Variants in LRP6 observed in about 807,000 individuals in gnomAD.
LRP6 encodes the protein LDL receptor related protein 6.
LRP6 carries 43 observed loss-of-function variants against 184.1 expected under a neutral mutation model. The observed-to-expected ratio is 0.23, with a 90% confidence interval of 0.18 to 0.30. The LOEUF (loss-of-function observed/expected upper bound fraction) is 0.30, where lower values mean the gene tolerates loss of function less well. Ranked by LOEUF, LRP6 falls within the 10% of genes least tolerant of loss-of-function variation. The probability of loss-of-function intolerance (pLI) is 1.00; values close to 1 mark genes in which losing one functional copy is unlikely to be tolerated. For missense variants in LRP6, 1,571 were observed against 2,005.3 expected, an observed-to-expected ratio of 0.78 and a Z score of 4.14; for synonymous variants, 719 against 684.9, an observed-to-expected ratio of 1.05 and a Z score of -0.78.
In LRP6 at chr12:12,266,978, C is replaced by T; in HGVS notation, c.-243G>A. On this transcript the variant is annotated 5_prime_UTR_variant, in exon 1 of 23. Transcript: ENST00000261349. Reference sequence around the variant, plus strand: ...TGCTTCCATCCCGCCGCCTCCTCCCCCGGCGCCCCGCTTCCCCCGCGCAGC... The same window carrying T: ...TGCTTCCATCCCGCCGCCTCCTCCCTCGGCGCCCCGCTTCCCCCGCGCAGC... The T allele has an allele frequency of 5.6e-6, 3 of 536,422 alleles. No individual in the cohort carries two copies. The highest frequency in any genetic ancestry group is 9.8e-6 in the Non-Finnish European group (3 of 307,676). 33.2% of individuals were successfully genotyped at this position (536,422 alleles called of 1,614,324 possible). A position where few individuals can be genotyped will look rare whatever the true frequency, so the allele number is the denominator to read the frequency against.
rs572685054 is a variant in LRP6, at chr12:12,206,356, C to G, written c.450-2956G>C. On this transcript the variant is annotated intron_variant, in intron 2 of 22. Transcript: ENST00000261349. ...AGGAGATTGAGACCATCCTGGCTAA[C>G]ACGGTGAAACCCTGTCTCTATTAAA... 1.5e-3 allele frequency among the ~76,000 whole-genome samples: 232 copies of G among 151,546 alleles called. 1 individual carries two copies. Among genetic ancestry groups the G allele is most frequent in the African/African-American group, 5.1e-3 (209 of 41,300 alleles).
intron 3 of LRP6, among the ~76,000 whole-genome samples, chr12:12,198,458 TC>T (rs982773206): frequency 2.1e-4 from 32 of 152,018 alleles, no homozygotes; most frequent in African/African-American, 7.7e-4. Context: ...TAGTGTCCCT[TC>T]TAGTTTTCTT....
chr12:12,165,958 A>C (rs1862868105), intron 7 of LRP6, among the ~76,000 whole-genome samples: 1 of 152,148 alleles, frequency 6.6e-6, no homozygotes. Context: ...CAACTACCTA[A>C]TAGTAACATT....
At position 12,266,907 on chromosome 12, in the gene LRP6, C is replaced by A; in HGVS notation, c.-172G>T. On this transcript the variant is annotated 5_prime_UTR_variant, in exon 1 of 23. The change creates a new upstream start codon in the 5' untranslated region. Coordinates refer to ENST00000261349, the MANE Select transcript of LRP6 (RefSeq NM_002336.3). ...AGGTTCCGCGCGCGCCGCCGCCGCC[C>A]TCTCTACCGCGCCGCTCGGCCCCGG... The A allele has an allele frequency of 1.5e-6, 1 of 658,978 alleles. No individual in the cohort carries two copies. The highest frequency in any genetic ancestry group is 2.8e-5 in the East Asian group (1 of 36,362). The allele number at this position is 658,978 out of a possible 1,614,324, so 40.8% of individuals were successfully genotyped here.
intron 1 of LRP6, among the ~76,000 whole-genome samples, chr12:12,248,752 T>C (rs140388300): frequency 0.013 from 1,935 of 152,236 alleles, 30 homozygotes; most frequent in African/African-American, 0.044. Context: ...AGTGCTGGGA[T>C]TACAGGCTTG....
At position 12,120,025 on chromosome 12, in the gene LRP6, ATATATAT is replaced by A. The variant is rs1949581689; in HGVS notation, c.*1094_*1100del. On this transcript the variant is annotated 3_prime_UTR_variant, in exon 23 of 23. Coordinates refer to ENST00000261349, the MANE Select transcript of LRP6 (RefSeq NM_002336.3). ...TATATATATATATATATATATATAT[ATATATAT>A]ATATATATATAAATGATTTCGTACT... 1 of 115,174 alleles carries A rather than the reference ATATATAT, an allele frequency of 8.7e-6. No individual in the cohort carries two copies. Among genetic ancestry groups the A allele is most frequent in the Non-Finnish European group, 1.9e-5 (1 of 51,738 alleles). The allele number at this position is 115,174 out of a possible 1,614,324, so 7.1% of individuals were successfully genotyped here.
chr12:12,184,150 A>C (rs781597068), intron 4 of LRP6, 39 bp from the exon 5 acceptor site: 8 of 1,568,906 alleles, frequency 5.1e-6, no homozygotes, highest in African/African-American at 1.4e-5. Context: ...ATCAATGATT[A>C]CTAAGTACAC....
chr12:12,199,619 T>C (rs1487413519), intron 3 of LRP6, among the ~76,000 whole-genome samples: 4 of 152,034 alleles, frequency 2.6e-5, no homozygotes, highest in African/African-American at 4.8e-5. Flanking sequence ...CTAAAAAATG[T>C]TGCAGAATTC....
chr12:12,172,408 C>T (rs1292648298), intron 7 of LRP6, among the ~76,000 whole-genome samples: 2 of 152,218 alleles, frequency 1.3e-5, no homozygotes, highest in Non-Finnish European at 2.9e-5. Context: ...AATGTCAAGA[C>T]AGGACTGCCC....
At chr12:12,134,194 T>C (rs1487479897) in intron 17 of LRP6, among the ~76,000 whole-genome samples, 1 of 152,228 alleles carries the variant, frequency 6.6e-6, no homozygotes, top group African/African-American at 2.4e-5. Context: ...ATATTCTCTT[T>C]CAATATTTGT....
At chr12:12,248,471 C>CTTTTTTTTT (rs71061030) in intron 1 of LRP6, among the ~76,000 whole-genome samples, 3 of 62,758 alleles carry the variant, frequency 4.8e-5, no homozygotes, top group African/African-American at 5.8e-5. Flanking sequence ...AGTCTTTACT[C>CTTTTTTTTT]TTTTTTTTTT....
At chr12:12,230,108 G>T (rs571579439) in intron 2 of LRP6, among the ~76,000 whole-genome samples, 27 of 152,278 alleles carry the variant, frequency 1.8e-4, no homozygotes, top group African/African-American at 6.3e-4. Context: ...TTTAAATGGA[G>T]TGAAAGGTAG....
chr12:12,210,067 G>A (rs1270937380), intron 2 of LRP6, among the ~76,000 whole-genome samples: 1 of 152,210 alleles, frequency 6.6e-6, no homozygotes, highest in Non-Finnish European at 1.5e-5. Flanking sequence ...CCATAGAGCT[G>A]TAGCATATCG....
chr12:12,218,033 C>T (rs368978694), intron 2 of LRP6, among the ~76,000 whole-genome samples: 52 of 152,294 alleles, frequency 3.4e-4, no homozygotes, highest in African/African-American at 1.2e-3. Flanking sequence ...CAGACTTCAT[C>T]CCAAAACTCC....
chr12:12,261,760 T>C (rs1036598453), intron 1 of LRP6, among the ~76,000 whole-genome samples: 27 of 152,158 alleles, frequency 1.8e-4, no homozygotes, highest in Admixed American at 4.6e-4. Context: ...AACTTAATTC[T>C]CCTGATTGCC....
At chr12:12,266,236 G>GA (rs1865755505) in intron 1 of LRP6, among the ~76,000 whole-genome samples, 1 of 152,162 alleles carries the variant, frequency 6.6e-6, no homozygotes, top group African/African-American at 2.4e-5. Context: ...GTTCACCTAA[G>GA]AAACACCGAA....
In LRP6 at chr12:12,244,212, A is replaced by G. The variant is rs185037271; in HGVS notation, c.449+50T>C. ...GTCAGGGTGGTGTATGTCAGTGGAG[A>G]AAAACCGAAAGGAGGTATGATGATC... On this transcript the variant is annotated intron_variant, in intron 2 of 22. Transcript: ENST00000261349. 53 of 1,603,162 alleles carry G rather than the reference A, an allele frequency of 3.3e-5. 1 individual carries two copies. In the Admixed American group the frequency reaches 7.3e-4, roughly 22 times the overall value.
In LRP6 at chr12:12,165,284, A is replaced by G; in HGVS notation, c.1557T>C (p.Thr519=). ...CTAGTACTCGTCTCCCAGTGCCATCAGTATTCATAACCTTCAGGTTTAAAT... is the reference window on the plus strand; with the variant it reads ...CTAGTACTCGTCTCCCAGTGCCATCGGTATTCATAACCTTCAGGTTTAAAT... The part of the protein sequence containing the change: ...AKTDKIEVMN[T]DGTGRRVLVE... The change falls in exon 8 of 23, where the codon ACT becomes ACC. Residue 519 remains threonine (T), a synonymous_variant. Coordinates refer to ENST00000261349, the MANE Select transcript of LRP6 (RefSeq NM_002336.3). 1 of 1,611,428 alleles carries G rather than the reference A, an allele frequency of 6.2e-7. No individual in the cohort carries two copies. The highest frequency in any genetic ancestry group is 8.5e-7 in the Non-Finnish European group (1 of 1,177,700).
At chr12:12,253,769 A>G (rs983536322) in intron 1 of LRP6, among the ~76,000 whole-genome samples, 3 of 152,076 alleles carry the variant, frequency 2.0e-5, no homozygotes, top group African/African-American at 7.2e-5. Flanking sequence ...TCATCTACAG[A>G]TAGTTTTCTG....
Sources: allele counts gnomAD v4.1 joint callset (sites outside exome capture counted in the v4.1 genomes callset), GRCh38; gene constraint gnomAD v4.1.1; transcripts MANE v1.5; gene names NCBI Gene and HGNC (gene_info 2026-07-23, HGNC 2026-07-21).